VTCN1: variants seen among roughly 807,000 people sequenced by gnomAD.
The protein encoded by VTCN1 is V-set domain-containing T-cell activation inhibitor 1.
In VTCN1, 26 loss-of-function variants were observed where a neutral mutation model predicts 26.5. The observed-to-expected ratio is 0.98, with a 90% CI of 0.72 to 1.36. The LOEUF (loss-of-function observed/expected upper bound fraction) is 1.36. VTCN1 is among the 40% of genes most tolerant of loss of function. The probability of loss-of-function intolerance (pLI) is 0.00; values close to 1 mark genes in which losing one functional copy is unlikely to be tolerated. For missense variants in VTCN1, 298 were observed against 337.7 expected, an observed-to-expected ratio of 0.88 and a Z score of 0.92; for synonymous variants, 116 against 130.7, an observed-to-expected ratio of 0.89 and a Z score of 0.77.
rs1182564685 is a variant in VTCN1 at position 117,169,033 on chromosome 1, G to A, written c.97+1074C>T. Among the ~76,000 whole-genome samples the A allele has an allele frequency of 6.6e-6, 1 of 152,206 alleles. No individual in the cohort carries two copies. Among genetic ancestry groups the A allele is most frequent in the Non-Finnish European group, 1.5e-5 (1 of 68,054 alleles). On this transcript the variant is annotated intron_variant, in intron 2 of 5. Transcript: ENST00000369458. This position sits in a 1 kb window ranked among gnomAD's most constrained non-coding sequence, Gnocchi z 4.0. ...AGCATGTCTACACTGGAGAAGCATGGCAGAAAGGCCACTGGAATATAGAAA... is the reference window on the plus strand; with the variant it reads ...AGCATGTCTACACTGGAGAAGCATGACAGAAAGGCCACTGGAATATAGAAA...
intron 1 of VTCN1, chr1:117,170,393 C>T (rs541274940): frequency 7.9e-6 from 5 of 630,426 alleles, no homozygotes; most frequent in Admixed American, 7.9e-5. Flanking sequence ...AAAGAGTGAC[C>T]CTTGCCTCTG....
intron 3 of VTCN1, among the ~76,000 whole-genome samples, chr1:117,153,708 G>A (rs1284505102): frequency 6.6e-6 from 1 of 152,128 alleles, no homozygotes; most frequent in African/African-American, 2.4e-5. Context: ...TAGGGAATTA[G>A]GCATTTTCCT....
chr1:117,169,045 C>G lies in VTCN1; in HGVS notation c.97+1062G>C, dbSNP rs1652760751. On this transcript the variant is annotated intron_variant, in intron 2 of 5. Transcript: ENST00000369458. The surrounding 1 kb of genome is among the most constrained non-coding windows in gnomAD (Gnocchi z 4.0). ...CTGGAGAAGCATGGCAGAAAGGCCACTGGAATATAGAAAATAAAGTTACGG... is the reference window on the plus strand; with the variant it reads ...CTGGAGAAGCATGGCAGAAAGGCCAGTGGAATATAGAAAATAAAGTTACGG... Among the ~76,000 whole-genome samples, 1 of 152,160 alleles carries G rather than the reference C, an allele frequency of 6.6e-6. No homozygotes were observed. Among genetic ancestry groups the G allele is most frequent in the Non-Finnish European group, 1.5e-5 (1 of 68,046 alleles).
intron 1 of VTCN1, among the ~76,000 whole-genome samples, chr1:117,193,245 G>A (rs182198365): frequency 9.2e-5 from 14 of 152,238 alleles, no homozygotes; most frequent in Admixed American, 9.2e-4. Context: ...AGGGATGACT[G>A]TACTTACCTA....
At chr1:117,170,434 C>T (rs1652849242) in intron 1 of VTCN1, 1 of 521,936 alleles carries the variant, frequency 1.9e-6, no homozygotes, top group Admixed American at 2.5e-5. Flanking sequence ...ATTTCCAGAT[C>T]AGGGAAGACC....
chr1:117,165,321 G>A (rs1205349844), intron 2 of VTCN1, among the ~76,000 whole-genome samples: 2 of 152,174 alleles, frequency 1.3e-5, no homozygotes, highest in Non-Finnish European at 2.9e-5. Flanking sequence ...GTACAGTGAA[G>A]TGCATGAAGA....
At chr1:117,186,894 T>A (rs72699165) in intron 1 of VTCN1, among the ~76,000 whole-genome samples, 2 of 150,966 alleles carry the variant, frequency 1.3e-5, no homozygotes, top group African/African-American at 4.9e-5. Flanking sequence ...GGCCCCAGAA[T>A]TGACCCTGTT....
In VTCN1 at chr1:117,151,469, G is replaced by C. The variant is rs141207570; in HGVS notation, c.724+1622C>G. ...GCACATCACAGACAGCAGCCCTACC[G>C]GGTTGCTGCTGCTGGCTCCAGTGGC... On this transcript the variant is annotated intron_variant, in intron 4 of 5. Coordinates refer to ENST00000369458, the MANE Select transcript of VTCN1 (RefSeq NM_024626.4). 4.6e-5 allele frequency among the ~76,000 whole-genome samples: 7 copies of C among 152,088 alleles called. 1 individual carries two copies. The highest frequency in any genetic ancestry group is 6.5e-5 in the Admixed American group (1 of 15,272).
intron 4 of VTCN1, among the ~76,000 whole-genome samples, chr1:117,151,388 G>A (rs926265761): frequency 3.9e-5 from 6 of 152,094 alleles, no homozygotes; most frequent in Non-Finnish European, 7.3e-5. Context: ...AGCTAGTGTG[G>A]ACCCAAAGAG....
At chr1:117,203,215 G>C (rs1391610896) in intron 1 of VTCN1, among the ~76,000 whole-genome samples, 1 of 151,974 alleles carries the variant, frequency 6.6e-6, no homozygotes. Context: ...CTCAGTGAAG[G>C]GTAGAGCAAG....
chr1:117,174,290 C>G (rs1653083903), intron 1 of VTCN1, among the ~76,000 whole-genome samples: 1 of 152,144 alleles, frequency 6.6e-6, no homozygotes, highest in South Asian at 2.1e-4. Flanking sequence ...GGAGGACTTG[C>G]TCATTCAGTA....
chr1:117,168,825 C>T (rs1219712781), intron 2 of VTCN1, among the ~76,000 whole-genome samples: 5 of 152,126 alleles, frequency 3.3e-5, no homozygotes, highest in Admixed American at 3.3e-4. Flanking sequence ...TGAACCCTGG[C>T]CTTAAGCAGT....
intron 1 of VTCN1, among the ~76,000 whole-genome samples, chr1:117,187,207 A>T (rs1647985516): frequency 1.4e-5 from 2 of 142,452 alleles, no homozygotes; most frequent in Admixed American, 1.5e-4. Flanking sequence ...GCTACTCGGG[A>T]GGCTGAGGTG....
intron 4 of VTCN1, among the ~76,000 whole-genome samples, chr1:117,150,293 T>C (rs1651721249): frequency 6.6e-6 from 1 of 152,160 alleles, no homozygotes; most frequent in South Asian, 2.1e-4. Context: ...TTTTTAAATA[T>C]AGGAATGCTT....
At chr1:117,177,028 G>A (rs1251103843) in intron 1 of VTCN1, among the ~76,000 whole-genome samples, 1 of 152,176 alleles carries the variant, frequency 6.6e-6, no homozygotes, top group African/African-American at 2.4e-5. Flanking sequence ...GAACCCAGGA[G>A]GCGAAGGCTG....
intron 1 of VTCN1, among the ~76,000 whole-genome samples, chr1:117,188,095 A>G (rs1295166558): frequency 6.6e-6 from 1 of 152,136 alleles, no homozygotes; most frequent in Non-Finnish European, 1.5e-5. Flanking sequence ...TCTCTAACAC[A>G]CAAATACAAA....
chr1:117,166,362 G>A (rs977076879), intron 2 of VTCN1, among the ~76,000 whole-genome samples: 1 of 152,196 alleles, frequency 6.6e-6, no homozygotes, highest in African/African-American at 2.4e-5. Flanking sequence ...TTAGGTCCAA[G>A]AAAGTTTAGT....
intron 3 of VTCN1, among the ~76,000 whole-genome samples, chr1:117,154,332 T>G (rs1489197155): frequency 6.6e-6 from 1 of 152,214 alleles, no homozygotes; most frequent in African/African-American, 2.4e-5. Context: ...ACAACACTCC[T>G]GTGAATACTA....
In VTCN1 at chr1:117,175,427, A is replaced by G. The variant is rs115075621; in HGVS notation, c.33-5256T>C. Reference sequence around the variant, plus strand: ...TCGCTGTGAAGCGGATGTGCAGCCTAGGACACGCAAGGGTAGGATGTACTT... The same window carrying G: ...TCGCTGTGAAGCGGATGTGCAGCCTGGGACACGCAAGGGTAGGATGTACTT... On this transcript the variant is annotated intron_variant, in intron 1 of 5. Coordinates refer to ENST00000369458, the MANE Select transcript of VTCN1 (RefSeq NM_024626.4). The surrounding 1 kb of genome is among the most constrained non-coding windows in gnomAD (Gnocchi z 4.2). 0.027 allele frequency among the ~76,000 whole-genome samples: 4,103 copies of G among 152,334 alleles called. 207 individuals carry two copies. The highest frequency in any genetic ancestry group is 0.092 in the African/African-American group (3,808 of 41,568).
Sources: allele counts gnomAD v4.1 joint callset (sites outside exome capture counted in the v4.1 genomes callset), GRCh38; gene constraint gnomAD v4.1.1; non-coding constraint Gnocchi (gnomAD v3.1); transcripts MANE v1.5; gene names NCBI Gene and HGNC (gene_info 2026-07-23, HGNC 2026-07-21).